HECTD2: variants seen among roughly 807,000 people sequenced by gnomAD.
HECTD2 encodes the protein probable E3 ubiquitin-protein ligase HECTD2.
HECTD2 carries 35 observed loss-of-function variants against 103.2 expected under a neutral mutation model. The observed-to-expected ratio is 0.34, with a 90% CI of 0.26 to 0.45. The LOEUF (loss-of-function observed/expected upper bound fraction) is 0.45. Ranked by LOEUF, HECTD2 falls within the 20% of genes least tolerant of loss-of-function variation. The probability of loss-of-function intolerance (pLI) is 1.00; values close to 1 mark genes in which losing one functional copy is unlikely to be tolerated. For missense variants in HECTD2, 596 were observed against 937.4 expected, an observed-to-expected ratio of 0.64 and a Z score of 4.76; for synonymous variants, 281 against 329.9, an observed-to-expected ratio of 0.85 and a Z score of 1.61.
chr10:91,424,111 A>G (rs954471454), intron 1 of HECTD2, among the ~76,000 whole-genome samples: 1 of 152,154 alleles, frequency 6.6e-6, no homozygotes, highest in Non-Finnish European at 1.5e-5. Context: ...AAGCTAACAG[A>G]TGCTCTAACA....
chr10:91,433,843 A>G (rs1438447333), intron 2 of HECTD2, among the ~76,000 whole-genome samples: 11 of 151,920 alleles, frequency 7.2e-5, no homozygotes, highest in Admixed American at 7.2e-4. Flanking sequence ...AAGGTAATGA[A>G]TGGGAGGCAC....
Position 91,427,973 on chromosome 10 carries a change from A to T in HECTD2, c.268+2563A>T, listed in dbSNP as rs374715314. ...GCCCATGCCTATGTCCTGAATGGTA[A>T]TGCCTAGGTTTTCTTCTAGGGTTTT... On this transcript the variant is annotated intron_variant, in intron 2 of 20. Transcript: ENST00000298068. 2.0e-4 allele frequency among the ~76,000 whole-genome samples: 31 copies of T among 151,690 alleles called. 1 individual carries two copies. Among genetic ancestry groups the T allele is most frequent in the South Asian group, 1.7e-3 (8 of 4,802 alleles).
chr10:91,421,602 G>A (rs12242821), intron 1 of HECTD2, among the ~76,000 whole-genome samples: 15,044 of 152,244 alleles, frequency 0.099, 1,590 homozygotes, highest in African/African-American at 0.27. Flanking sequence ...CCTGGGGGCT[G>A]TGGGTTGGAC....
At chr10:91,507,044 T>C (rs1320763750) in intron 20 of HECTD2, among the ~76,000 whole-genome samples, 2 of 152,220 alleles carry the variant, frequency 1.3e-5, no homozygotes, top group African/African-American at 4.8e-5. Flanking sequence ...TCTCAACAGA[T>C]GCAGAAAAGG....
upstream of HECTD2, chr10:91,409,519 G>A (rs1285833660): frequency 6.5e-6 from 1 of 152,996 alleles, no homozygotes; most frequent in Non-Finnish European, 1.5e-5. Flanking sequence ...GGCGCGTGGG[G>A]ACGGGAAGGG....
At chr10:91,494,741 T>C (rs561133304) in intron 14 of HECTD2, among the ~76,000 whole-genome samples, 33 of 152,170 alleles carry the variant, frequency 2.2e-4, no homozygotes, top group Non-Finnish European at 3.7e-4. Flanking sequence ...AGTAATCATT[T>C]GTTGAATGTT....
chr10:91,415,941 A>T (rs775868086), intron 1 of HECTD2, among the ~76,000 whole-genome samples: 1 of 152,202 alleles, frequency 6.6e-6, no homozygotes, highest in Non-Finnish European at 1.5e-5. Context: ...TGGCTTTATA[A>T]ATACATACCC....
At chr10:91,440,186 G>A (rs1424749436) in intron 2 of HECTD2, among the ~76,000 whole-genome samples, 2 of 152,082 alleles carry the variant, frequency 1.3e-5, no homozygotes, top group East Asian at 1.9e-4. Context: ...TCCAGCTTTT[G>A]CCCATTCAGT....
intron 2 of HECTD2, among the ~76,000 whole-genome samples, chr10:91,453,248 G>A (rs1205816781): frequency 2.0e-5 from 3 of 152,118 alleles, no homozygotes; most frequent in Admixed American, 6.6e-5. Context: ...CTTGGGGAAC[G>A]TAGCGAGACT....
intron 20 of HECTD2, among the ~76,000 whole-genome samples, chr10:91,503,642 G>T (rs184999913): frequency 6.6e-5 from 10 of 152,106 alleles, no homozygotes; most frequent in African/African-American, 1.9e-4. Flanking sequence ...ACGGAGTCTC[G>T]CTGATGGCTA....
At chr10:91,455,919 T>C (rs2133179678) in intron 2 of HECTD2, among the ~76,000 whole-genome samples, 1 of 152,036 alleles carries the variant, frequency 6.6e-6, no homozygotes. Flanking sequence ...TCTGTTCTGT[T>C]CCATTGGTCT....
At chr10:91,453,426 G>T (rs905195547) in intron 2 of HECTD2, among the ~76,000 whole-genome samples, 4 of 152,096 alleles carry the variant, frequency 2.6e-5, no homozygotes, top group African/African-American at 9.7e-5. Flanking sequence ...GCAAGACCCT[G>T]TCACACACAC....
At chr10:91,486,918 A>ATG in intron 10 of HECTD2, 1 of 152,060 alleles carries the variant, frequency 6.6e-6, no homozygotes, top group Admixed American at 6.5e-5. Context: ...CCACCTGACT[A>ATG]TGCTCAGAGG....
intron 2 of HECTD2, among the ~76,000 whole-genome samples, chr10:91,435,596 G>A (rs751079160): frequency 6.2e-4 from 95 of 152,084 alleles, no homozygotes; most frequent in South Asian, 2.3e-3. Flanking sequence ...ACCTCAGGCC[G>A]CTGTGATTCC....
At chr10:91,461,598 G>C (rs779448107) in intron 4 of HECTD2, among the ~76,000 whole-genome samples, 59 of 152,178 alleles carry the variant, frequency 3.9e-4, no homozygotes, top group Middle Eastern at 3.4e-3. Context: ...GCCCAGGCTA[G>C]AATGCAGTGG....
chr10:91,461,537 T>G (rs560731349), intron 4 of HECTD2, among the ~76,000 whole-genome samples, 181 bp downstream of exon 4: 1 of 151,914 alleles, frequency 6.6e-6, no homozygotes, highest in Admixed American at 6.6e-5. Context: ...AGTATATGGG[T>G]TTTTTGAGGG....
chr10:91,437,006 A>G (rs1258428985), intron 2 of HECTD2, among the ~76,000 whole-genome samples: 2 of 152,072 alleles, frequency 1.3e-5, no homozygotes, highest in Non-Finnish European at 2.9e-5. Flanking sequence ...TCTTAACCTG[A>G]AAAACCTCCC....
chr10:91,454,713 TC>T (rs1844995688), intron 2 of HECTD2, among the ~76,000 whole-genome samples: 1 of 151,752 alleles, frequency 6.6e-6, no homozygotes, highest in Admixed American at 6.6e-5. Flanking sequence ...ATGCTATCGC[TC>T]CCCCCTCCCC....
chr10:91,506,222 G>A (rs1847162921), intron 20 of HECTD2, among the ~76,000 whole-genome samples: 1 of 149,956 alleles, frequency 6.7e-6, no homozygotes, highest in African/African-American at 2.4e-5. Flanking sequence ...AACTAGAAAA[G>A]CAAGAGCAAA....
Sources: allele counts gnomAD v4.1 joint callset (sites outside exome capture counted in the v4.1 genomes callset), GRCh38; gene constraint gnomAD v4.1.1; transcripts MANE v1.5; gene names NCBI Gene and HGNC (gene_info 2026-07-23, HGNC 2026-07-21).